ZCWPW2: variants seen among roughly 807,000 people sequenced by gnomAD.
The protein encoded by ZCWPW2 is zinc finger CW-type and PWWP domain containing 2, also known as zinc finger CW-type PWWP domain protein 2.
In ZCWPW2, 45 loss-of-function variants were observed where a neutral mutation model predicts 46.6. That is an observed-to-expected ratio of 0.96 (90% CI 0.76 to 1.24). ZCWPW2 has a LOEUF of 1.24. Among genes scored for constraint, ZCWPW2 ranks in the 50% most tolerant of loss-of-function variants. The pLI, the probability that ZCWPW2 is intolerant of heterozygous loss-of-function variation, is 0.00. For synonymous variants in ZCWPW2, 152 were observed against 137.1 expected, an observed-to-expected ratio of 1.11 and a Z score of -0.76; for missense variants, 429 against 403.9, an observed-to-expected ratio of 1.06 and a Z score of -0.53.
rs566045993 is a variant in ZCWPW2 at position 28,408,021 on chromosome 3, T to C, written c.-13-5035T>C. Among the ~76,000 whole-genome samples the C allele has an allele frequency of 8.5e-5, 13 of 152,314 alleles. No individual in the cohort carries two copies. In the South Asian group the frequency reaches 2.7e-3, roughly 32 times the overall value. Reference sequence around the variant, plus strand: ...GAATCTGGTTTGAAAAGAATAAGCATTTTATGATCTATATTCTAAATTCTG... The same window carrying C: ...GAATCTGGTTTGAAAAGAATAAGCACTTTATGATCTATATTCTAAATTCTG... On this transcript the variant is annotated intron_variant, in intron 2 of 9. Coordinates refer to ENST00000383768, the MANE Select transcript of ZCWPW2 (RefSeq NM_001040432.4).
At chr3:28,365,845 C>T (rs1189883878) in intron 1 of ZCWPW2, among the ~76,000 whole-genome samples, 3 of 140,972 alleles carry the variant, frequency 2.1e-5, no homozygotes, top group South Asian at 4.6e-4. Flanking sequence ...TGTAGTTTTC[C>T]TTGAAGAGGT....
chr3:28,349,932 C>CT (rs1704476197), intron 1 of ZCWPW2, among the ~76,000 whole-genome samples: 1 of 151,906 alleles, frequency 6.6e-6, no homozygotes, highest in South Asian at 2.1e-4. Flanking sequence ...TTTTTATTGT[C>CT]TTTTTTGGTT....
At chr3:28,430,699 G>A (rs1697219523) in intron 3 of ZCWPW2, among the ~76,000 whole-genome samples, 1 of 152,166 alleles carries the variant, frequency 6.6e-6, no homozygotes, top group Admixed American at 6.5e-5. Context: ...GGACCTTGTG[G>A]GAGGTGATTA....
chr3:28,508,807 C>T (rs1045451272), intron 6 of ZCWPW2, among the ~76,000 whole-genome samples: 55 of 152,288 alleles, frequency 3.6e-4, no homozygotes, highest in African/African-American at 1.3e-3. Context: ...GGATTACAGG[C>T]GTGAGCCACT....
intron 5 of ZCWPW2, among the ~76,000 whole-genome samples, chr3:28,489,280 A>G (rs1439771188): frequency 1.3e-5 from 2 of 152,094 alleles, no homozygotes; most frequent in African/African-American, 2.4e-5. Flanking sequence ...TTGATATTTC[A>G]TTATGACTTT....
At chr3:28,363,821 C>T (rs1705024648) in intron 1 of ZCWPW2, among the ~76,000 whole-genome samples, 1 of 152,128 alleles carries the variant, frequency 6.6e-6, no homozygotes, top group African/African-American at 2.4e-5. Flanking sequence ...AAACTTCTTG[C>T]TCACAGTCCT....
chr3:28,393,313 C>T (rs927559700), intron 2 of ZCWPW2, among the ~76,000 whole-genome samples: 2 of 152,014 alleles, frequency 1.3e-5, no homozygotes, highest in African/African-American at 4.8e-5. Flanking sequence ...ATCAAAATTT[C>T]TCATCAAAGA....
intron 2 of ZCWPW2, among the ~76,000 whole-genome samples, chr3:28,409,618 G>A (rs918177811): frequency 6.6e-6 from 1 of 152,110 alleles, no homozygotes; most frequent in Non-Finnish European, 1.5e-5. Flanking sequence ...AGGTCATCTG[G>A]ATTAAAGCAT....
At chr3:28,361,089 A>G (rs1704924202) in intron 1 of ZCWPW2, among the ~76,000 whole-genome samples, 1 of 152,140 alleles carries the variant, frequency 6.6e-6, no homozygotes, top group African/African-American at 2.4e-5. Context: ...CAGATATTCT[A>G]AAATCAAAAA....
chr3:28,421,336 C>T (rs1422623807), intron 3 of ZCWPW2, among the ~76,000 whole-genome samples: 1 of 152,074 alleles, frequency 6.6e-6, no homozygotes, highest in Non-Finnish European at 1.5e-5. Context: ...ATCTTGGCTT[C>T]CTACTAAGCC....
intron 5 of ZCWPW2, among the ~76,000 whole-genome samples, chr3:28,483,047 G>A (rs986794502): frequency 2.0e-5 from 3 of 152,084 alleles, no homozygotes; most frequent in African/African-American, 4.8e-5. Context: ...CTTGCCTTTG[G>A]TGTTGTATCT....
chr3:28,479,221 T>C (rs886421802), intron 5 of ZCWPW2, among the ~76,000 whole-genome samples: 3 of 152,216 alleles, frequency 2.0e-5, no homozygotes, highest in Non-Finnish European at 4.4e-5. Flanking sequence ...TGCCCTTGTG[T>C]ATTTCAAAGG....
At chr3:28,389,358 A>G (rs1054078019) in intron 1 of ZCWPW2, among the ~76,000 whole-genome samples, 7 of 152,154 alleles carry the variant, frequency 4.6e-5, no homozygotes, top group African/African-American at 1.7e-4. Flanking sequence ...ACTTTGTCCA[A>G]TAACATGAGG....
rs754471123 is a variant in ZCWPW2, at chr3:28,524,715, A to G, written c.*27A>G. Reference sequence around the variant, plus strand: ...ACATTATACATTTTTCAAATTAATTATAAAAATATTGGCATCTTTATATTT... The same window carrying G: ...ACATTATACATTTTTCAAATTAATTGTAAAAATATTGGCATCTTTATATTT... On this transcript the variant is annotated 3_prime_UTR_variant, in exon 10 of 10. Coordinates refer to ENST00000383768, the MANE Select transcript of ZCWPW2 (RefSeq NM_001040432.4). 7.0e-6 allele frequency: 10 copies of G among 1,432,766 alleles called. No homozygotes were observed. The East Asian group carries it at 2.6e-4, about 37-fold the overall frequency. 88.8% of individuals were successfully genotyped at this position (1,432,766 alleles called of 1,614,324 possible). A position where few individuals can be genotyped will look rare whatever the true frequency, so the allele number is the denominator to read the frequency against.
chr3:28,454,616 T>A (rs1245534963), intron 4 of ZCWPW2, among the ~76,000 whole-genome samples: 1 of 152,184 alleles, frequency 6.6e-6, no homozygotes, highest in Admixed American at 6.5e-5. Flanking sequence ...CTATCTATTC[T>A]TCCCTATCCT....
intron 4 of ZCWPW2, among the ~76,000 whole-genome samples, chr3:28,466,845 T>G (rs181793966): frequency 2.0e-5 from 3 of 152,082 alleles, no homozygotes; most frequent in Non-Finnish European, 4.4e-5. Context: ...TGGAAAGATA[T>G]AATCCTCTTC....
intron 3 of ZCWPW2, among the ~76,000 whole-genome samples, chr3:28,414,583 A>G (rs1255832548): frequency 7.0e-6 from 1 of 142,008 alleles, no homozygotes; most frequent in Non-Finnish European, 1.5e-5. Context: ...CGTTAGGTAT[A>G]TCTCCGAATG....
intron 1 of ZCWPW2, among the ~76,000 whole-genome samples, chr3:28,364,993 T>G (rs1705076001): frequency 6.6e-6 from 1 of 152,144 alleles, no homozygotes; most frequent in Admixed American, 6.6e-5. Flanking sequence ...TTGATGGGGT[T>G]GTTTGGTTTT....
chr3:28,424,319 G>A (rs1331344371), intron 3 of ZCWPW2, among the ~76,000 whole-genome samples: 1 of 150,468 alleles, frequency 6.6e-6, no homozygotes, highest in African/African-American at 2.5e-5. Flanking sequence ...ATCACTTATG[G>A]TTATGGACTG....
Sources: allele counts gnomAD v4.1 joint callset (sites outside exome capture counted in the v4.1 genomes callset), GRCh38; gene constraint gnomAD v4.1.1; transcripts MANE v1.5; gene names NCBI Gene and HGNC (gene_info 2026-07-23, HGNC 2026-07-21).